The following LRRTM4 variants were observed in gnomAD, a reference collection of about 807,000 sequenced individuals.
LRRTM4 encodes the protein leucine-rich repeat transmembrane neuronal protein 4.
In LRRTM4, 25 loss-of-function variants were observed where a neutral mutation model predicts 47.6. The ratio of observed to expected loss-of-function variants is 0.53; its 90% confidence interval spans 0.38 to 0.73. The LOEUF (loss-of-function observed/expected upper bound fraction) is 0.73, where lower values mean the gene tolerates loss of function less well. Among genes scored for constraint, LRRTM4 ranks in the 30% least tolerant of loss-of-function variants. The pLI is 0.00. For missense variants in LRRTM4, 638 were observed against 713.4 expected, an observed-to-expected ratio of 0.89 and a Z score of 1.20; for synonymous variants, 311 against 269.5, an observed-to-expected ratio of 1.15 and a Z score of -1.51.
At chr2:76,815,401 C>G (rs1355473321) in intron 3 of LRRTM4, among the ~76,000 whole-genome samples, 2 of 152,088 alleles carry the variant, frequency 1.3e-5, no homozygotes, top group Non-Finnish European at 2.9e-5. Context: ...CTGCATTTGT[C>G]TCTCCACTGT....
In LRRTM4 at chr2:76,915,012, T is replaced by C. The variant is rs531109836; in HGVS notation, c.1552-166096A>G. On this transcript the variant is annotated intron_variant, in intron 3 of 3. Coordinates refer to ENST00000409884, the MANE Select transcript of LRRTM4 (RefSeq NM_001134745.3). ...GTACGCAGAAAGAAATATGAACTGATGCCGAATCAGGCAAAGAGTGCCATT... is the reference window on the plus strand; with the variant it reads ...GTACGCAGAAAGAAATATGAACTGACGCCGAATCAGGCAAAGAGTGCCATT... Among the ~76,000 whole-genome samples the C allele has an allele frequency of 5.0e-3, 755 of 152,334 alleles. 2 individuals are homozygous for C. The highest frequency in any genetic ancestry group is 0.014 in the South Asian group (69 of 4,826).
At chr2:76,853,376 TCTGCC>T (rs1336134241) in intron 3 of LRRTM4, among the ~76,000 whole-genome samples, 1 of 152,098 alleles carries the variant, frequency 6.6e-6, no homozygotes, top group East Asian at 1.9e-4. Context: ...TAAATACAAG[TCTGCC>T]CTTATTTCAA....
At chr2:77,089,532 T>C (rs1036444577) in intron 3 of LRRTM4, among the ~76,000 whole-genome samples, 1 of 152,036 alleles carries the variant, frequency 6.6e-6, no homozygotes, top group Non-Finnish European at 1.5e-5. Context: ...CTTATCTCTG[T>C]GCCCCAACCC....
At chr2:76,918,394 A>G (rs953449851) in intron 3 of LRRTM4, among the ~76,000 whole-genome samples, 3 of 152,160 alleles carry the variant, frequency 2.0e-5, no homozygotes, top group South Asian at 4.1e-4. Context: ...ATCAAATCTC[A>G]TATGTACAGC....
chr2:77,440,457 G>C (rs551973557), intron 3 of LRRTM4, among the ~76,000 whole-genome samples: 1 of 152,196 alleles, frequency 6.6e-6, no homozygotes, highest in African/African-American at 2.4e-5. Context: ...CACCACATAG[G>C]AGTGCAATCG....
intron 3 of LRRTM4, among the ~76,000 whole-genome samples, chr2:76,869,794 C>A (rs1233845376): frequency 6.6e-6 from 1 of 151,552 alleles, no homozygotes; most frequent in South Asian, 2.1e-4. Flanking sequence ...AAAATAATAC[C>A]CAATGACAAG....
chr2:76,983,800 A>C (rs1007793056), intron 3 of LRRTM4, among the ~76,000 whole-genome samples: 1 of 152,136 alleles, frequency 6.6e-6, no homozygotes, highest in Non-Finnish European at 1.5e-5. Context: ...AGATTAAAAA[A>C]TAAGGCCATC....
intron 3 of LRRTM4, among the ~76,000 whole-genome samples, chr2:76,968,813 A>C (rs1676124692): frequency 6.6e-6 from 1 of 151,844 alleles, no homozygotes; most frequent in African/African-American, 2.4e-5. Context: ...TGTTCAGCAA[A>C]GCATTTAAAG....
intron 3 of LRRTM4, among the ~76,000 whole-genome samples, chr2:76,758,666 C>G (rs1311615060): frequency 6.6e-6 from 1 of 152,126 alleles, no homozygotes; most frequent in Non-Finnish European, 1.5e-5. Context: ...GTGTAAAGGT[C>G]TAGGTTAATA....
At chr2:76,891,059 A>G (rs1172413531) in intron 3 of LRRTM4, among the ~76,000 whole-genome samples, 1 of 151,802 alleles carries the variant, frequency 6.6e-6, no homozygotes, top group Non-Finnish European at 1.5e-5. Context: ...TAGTCAGTTT[A>G]AGGTCCCACT....
Position 76,748,667 on chromosome 2 carries a change from G to A in LRRTM4, c.*28C>T. On this transcript the variant is annotated 3_prime_UTR_variant, in exon 4 of 4. Transcript: ENST00000409884. ...GAAGGCCCTCCCTCCCCCCCATGGA[G>A]CTCCCCAGTGAGGAGTTGGCTTCAG... The A allele has an allele frequency of 6.6e-7, 1 of 1,523,402 alleles. No individual in the cohort carries two copies. The highest frequency in any genetic ancestry group is 9.1e-7 in the Non-Finnish European group (1 of 1,104,560). The allele number at this position is 1,523,402 out of a possible 1,614,324, so 94.4% of individuals were successfully genotyped here.
chr2:77,495,804 G>C (rs1317952129), intron 3 of LRRTM4, among the ~76,000 whole-genome samples: 2 of 151,964 alleles, frequency 1.3e-5, no homozygotes, highest in Admixed American at 1.3e-4. Context: ...AAATAAGATA[G>C]TGCTGACACT....
intron 3 of LRRTM4, among the ~76,000 whole-genome samples, chr2:77,109,180 A>T (rs1671181676): frequency 1.3e-5 from 2 of 152,208 alleles, no homozygotes; most frequent in Admixed American, 1.3e-4. Context: ...TCATCATGAT[A>T]GCCAAAGGAC....
intron 3 of LRRTM4, among the ~76,000 whole-genome samples, chr2:76,971,804 AC>A (rs1349079275): frequency 4.6e-5 from 7 of 152,010 alleles, no homozygotes; most frequent in Admixed American, 4.6e-4. Flanking sequence ...AGAAAACAAC[AC>A]CCTCCCACCC....
chr2:77,061,302 T>G (rs1243456642), intron 3 of LRRTM4, among the ~76,000 whole-genome samples: 1 of 152,224 alleles, frequency 6.6e-6, no homozygotes, highest in South Asian at 2.1e-4. Context: ...ATGCCAGTAT[T>G]TCAAATTTTA....
At chr2:76,960,509 G>C (rs895058766) in intron 3 of LRRTM4, among the ~76,000 whole-genome samples, 5 of 151,438 alleles carry the variant, frequency 3.3e-5, no homozygotes, top group African/African-American at 1.2e-4. Flanking sequence ...GAAGTTATTT[G>C]AAAAAACAGA....
intron 3 of LRRTM4, among the ~76,000 whole-genome samples, chr2:76,904,630 T>G (rs974217065): frequency 4.6e-5 from 7 of 152,146 alleles, no homozygotes. Context: ...AACTGAGCAG[T>G]GAGGAATCTG....
In LRRTM4 at chr2:77,356,191, C is replaced by T. The variant is rs370719198; in HGVS notation, c.1551+162127G>A. On this transcript the variant is annotated intron_variant, in intron 3 of 3. Transcript: ENST00000409884. The stretch of plus-strand genomic sequence containing the variant: ...ATTAATTGAAACATTAAAGATCTTA[C>T]TCAGAACAGTAACATGATCATAATA... 4.7e-4 allele frequency among the ~76,000 whole-genome samples: 72 copies of T among 151,588 alleles called. 1 individual carries two copies. The South Asian group carries it at 0.015, about 31-fold the overall frequency.
intron 3 of LRRTM4, among the ~76,000 whole-genome samples, chr2:77,222,537 C>A (rs1674668051): frequency 6.6e-6 from 1 of 152,150 alleles, no homozygotes; most frequent in Non-Finnish European, 1.5e-5. Flanking sequence ...CACCGCCAAT[C>A]CCACAGAACT....
Sources: gnomAD v4.1 joint callset for allele counts (sites outside exome capture counted in the v4.1 genomes callset) on GRCh38, gnomAD v4.1.1 for gene constraint, MANE v1.5 for transcripts, NCBI Gene and HGNC (gene_info 2026-07-23, HGNC 2026-07-21) for gene names.